Variants in EIF3J observed in about 807,000 individuals in gnomAD.
EIF3J encodes eukaryotic translation initiation factor 3, subunit 1 (alpha, 35kD).
EIF3J carries 15 observed loss-of-function variants against 39.0 expected under a neutral mutation model. The observed-to-expected ratio is 0.38, with a 90% CI of 0.26 to 0.59. The LOEUF (loss-of-function observed/expected upper bound fraction) is 0.59, where lower values mean the gene tolerates loss of function less well. EIF3J is among the 20% of genes least tolerant of loss of function. The pLI is 0.60. For synonymous variants in EIF3J, 98 were observed against 112.9 expected (o/e 0.87, Z 0.84); for missense variants, 226 against 308.6 (o/e 0.73, Z 2.00).
At chr15:44,557,416 A>G (rs1394781007) in intron 5 of EIF3J, 73 bp from the exon 6 acceptor site, 8 of 1,175,538 alleles carry the variant, frequency 6.8e-6, no homozygotes, top group Admixed American at 6.0e-5. Context: ...TCAGATAGCT[A>G]TTGGCTTTGT....
chr15:44,559,170 T>C (rs1211091790), intron 6 of EIF3J: 1 of 139,282 alleles, frequency 7.2e-6, no homozygotes, highest in African/African-American at 2.7e-5. Flanking sequence ...AGGCTGAGGC[T>C]GGTAGATCAC....
At chr15:44,553,125 G>A (rs1204435991) in intron 4 of EIF3J, among the ~76,000 whole-genome samples, 1 of 151,636 alleles carries the variant, frequency 6.6e-6, no homozygotes, top group Non-Finnish European at 1.5e-5. Context: ...AGTTGAGGCT[G>A]CAGTGAGCCA....
At chr15:44,559,860 G>C (rs1297201920) in intron 6 of EIF3J, among the ~76,000 whole-genome samples, 1 of 152,196 alleles carries the variant, frequency 6.6e-6, no homozygotes, top group African/African-American at 2.4e-5. Flanking sequence ...TATAAAGACA[G>C]TTTCTCTTTG....
intron 2 of EIF3J, 95 bp downstream of exon 2, chr15:44,537,522 C>G (rs1457310640): frequency 2.3e-6 from 3 of 1,311,174 alleles, no homozygotes; most frequent in Non-Finnish European, 3.0e-6. Context: ...GCCTGCGGGC[C>G]GTGGGTCCAG....
In EIF3J at chr15:44,540,267, ATTTTT is replaced by A. The variant is rs71111863; in HGVS notation, c.147+2852_147+2856del. Among the ~76,000 whole-genome samples, 433 of 61,402 alleles carry A rather than the reference ATTTTT, an allele frequency of 7.1e-3. 3 individuals carry two copies. The highest frequency in any genetic ancestry group is 0.013 in the East Asian group (29 of 2,150). The allele number at this position is 61,402 out of a possible 152,430, so 40.3% of individuals were successfully genotyped here. ...TATATATATATATATATATATATAT[ATTTTT>A]TTTTTTTTTTTGTAGATACAGGGTT... is the stretch of plus-strand genomic sequence containing the variant. On this transcript the variant is annotated intron_variant, in intron 2 of 7. Coordinates refer to ENST00000261868, the MANE Select transcript of EIF3J (RefSeq NM_003758.4).
chr15:44,553,802 A>G (rs895756837), intron 4 of EIF3J, among the ~76,000 whole-genome samples: 5 of 152,240 alleles, frequency 3.3e-5, no homozygotes, highest in Admixed American at 6.5e-5. Context: ...ACCTGGAAGT[A>G]GAATACTTGA....
rs2140906498 is a variant in EIF3J at position 44,562,321 on chromosome 15, A to T, written c.*1172A>T. 6.6e-6 allele frequency: 1 copy of T among 152,666 alleles called. No homozygotes were observed. Among genetic ancestry groups the T allele is most frequent in the African/African-American group, 2.4e-5 (1 of 41,564 alleles). 9.5% of individuals were successfully genotyped at this position (152,666 alleles called of 1,614,324 possible). On this transcript the variant is annotated 3_prime_UTR_variant, in exon 8 of 8. Transcript: ENST00000261868. Reference sequence around the variant, plus strand: ...TTTTGTTATTTAGATACCAAGGCCTAATTAATTAAGTACCTATAAGAACTA... The same window carrying T: ...TTTTGTTATTTAGATACCAAGGCCTTATTAATTAAGTACCTATAAGAACTA...
intron 2 of EIF3J, among the ~76,000 whole-genome samples, chr15:44,547,540 C>T (rs2082064946): frequency 1.3e-5 from 2 of 150,792 alleles, no homozygotes; most frequent in Admixed American, 6.6e-5. Flanking sequence ...ACCTCCCACT[C>T]CTGGGTTCAA....
At chr15:44,554,698 T>C in intron 5 of EIF3J, 31 bp downstream of exon 5, 1 of 1,458,128 alleles carries the variant, frequency 6.9e-7, no homozygotes, top group South Asian at 1.2e-5. Context: ...CAATACAGTA[T>C]TAAACTGTTA....
chr15:44,553,002 A>T (rs1595804771), intron 4 of EIF3J, among the ~76,000 whole-genome samples: 1 of 151,930 alleles, frequency 6.6e-6, no homozygotes, highest in Non-Finnish European at 1.5e-5. Flanking sequence ...CCTGGACAAC[A>T]TAGGGAGACC....
At chr15:44,558,092 C>T (rs2082159773) in intron 6 of EIF3J, 1 of 152,448 alleles carries the variant, frequency 6.6e-6, no homozygotes, top group Non-Finnish European at 1.5e-5. Context: ...GGCACCTATT[C>T]TCTGGGTCCG....
chr15:44,544,961 GC>G (rs1047767573), intron 2 of EIF3J, among the ~76,000 whole-genome samples: 3 of 150,600 alleles, frequency 2.0e-5, no homozygotes, highest in Non-Finnish European at 4.4e-5. Context: ...CTGAGATTGC[GC>G]CACTGCACTC....
intron 4 of EIF3J, among the ~76,000 whole-genome samples, chr15:44,552,713 A>C (rs907830992): frequency 2.0e-5 from 3 of 151,602 alleles, no homozygotes; most frequent in Admixed American, 6.6e-5. Context: ...GGCATGTGCT[A>C]CCATGCCCAG....
chr15:44,537,296 C>T, intron 1 of EIF3J, 28 bp from the exon 2 acceptor site: 3 of 1,562,844 alleles, frequency 1.9e-6, no homozygotes, highest in Non-Finnish European at 2.6e-6. Context: ...CAGTGGCAGG[C>T]ACTAACACGG....
intron 6 of EIF3J, among the ~76,000 whole-genome samples, chr15:44,558,464 G>C (rs892414678): frequency 1.3e-5 from 2 of 151,980 alleles, no homozygotes; most frequent in Admixed American, 1.3e-4. Flanking sequence ...GGGAGGCAAA[G>C]CTTGCAGTGA....
rs2082212912 is a variant in EIF3J, at chr15:44,562,527, ACG to A, written c.*1379_*1380del. On this transcript the variant is annotated 3_prime_UTR_variant, in exon 8 of 8. Transcript: ENST00000261868. ...TTCTCTTATATAGGAAATAATAGGA[ACG>A]TCAAAGCTCTGTATACCTACTAAGT... The A allele has an allele frequency of 6.5e-6, 1 of 152,698 alleles. No homozygotes were observed. The highest frequency in any genetic ancestry group is 1.5e-5 in the Non-Finnish European group (1 of 68,090). 9.5% of individuals were successfully genotyped at this position (152,698 alleles called of 1,614,324 possible).
At chr15:44,552,807 G>A (rs1239129847) in intron 4 of EIF3J, among the ~76,000 whole-genome samples, 3 of 152,172 alleles carry the variant, frequency 2.0e-5, no homozygotes, top group African/African-American at 7.2e-5. Flanking sequence ...TGATCCACCC[G>A]CCTTGGCCTC....
intron 2 of EIF3J, among the ~76,000 whole-genome samples, chr15:44,537,878 T>C (rs1409713960): frequency 6.6e-6 from 1 of 152,162 alleles, no homozygotes; most frequent in Non-Finnish European, 1.5e-5. Context: ...TTATACAGTT[T>C]GTTCGAGGGA....
intron 6 of EIF3J, among the ~76,000 whole-genome samples, chr15:44,559,706 CAAAA>C: frequency 7.9e-6 from 1 of 125,968 alleles, no homozygotes; most frequent in East Asian, 2.2e-4. Context: ...GACTCCATCT[CAAAA>C]AAAAAAAAAA....
Sources: gnomAD v4.1 joint callset for allele counts (sites outside exome capture counted in the v4.1 genomes callset) on GRCh38, gnomAD v4.1.1 for gene constraint, MANE v1.5 for transcripts, NCBI Gene and HGNC (gene_info 2026-07-23, HGNC 2026-07-21) for gene names.